AFAP1L2: variants seen among roughly 807,000 people sequenced by gnomAD.
AFAP1L2 encodes the protein actin filament associated protein 1 like 2.
Under a neutral mutation model 99.3 loss-of-function variants are expected in AFAP1L2, and 46 were observed. That is an observed-to-expected ratio of 0.46 (90% CI 0.37 to 0.59). The LOEUF (loss-of-function observed/expected upper bound fraction) is 0.59. Among genes scored for constraint, AFAP1L2 ranks in the 20% least tolerant of loss-of-function variants. The probability of loss-of-function intolerance (pLI) is 0.00; values close to 1 mark genes in which losing one functional copy is unlikely to be tolerated. For missense variants in AFAP1L2, 959 were observed against 1,034.9 expected (o/e 0.93, Z 1.01); for synonymous variants, 397 against 419.1 (o/e 0.95, Z 0.64).
At chr10:114,322,906 CA>C (rs1425872526) in intron 5 of AFAP1L2, among the ~76,000 whole-genome samples, 1 of 152,214 alleles carries the variant, frequency 6.6e-6, no homozygotes, top group Non-Finnish European at 1.5e-5. Flanking sequence ...CAGATGCAGT[CA>C]ATCTATTTGT....
chr10:114,331,882 C>T lies in AFAP1L2; in HGVS notation c.236G>A (p.Gly79Asp), dbSNP rs2047291944. The change falls in exon 4 of 19, where the codon GGC becomes GAC. Residue 79 changes from glycine to aspartate, a missense_variant. Physicochemically the swap from Gly to Asp is moderately conservative, Grantham distance 94. Around this residue, in one of 2 missense-constraint regions of AFAP1L2, gnomAD observed 383 missense variants for 472.8 expected, o/e 0.81. Transcript: ENST00000304129. ...ESQGKAPEEQ[G>D]LLPNGEPSQH... The stretch of plus-strand genomic sequence containing the variant: ...GCTGGGCTCCCCATTGGGTAGCAGG[C>T]CCTGCTCCTCAGGCGCTGCGGGCAG... 7.5e-7 allele frequency: 1 copy of T among 1,330,646 alleles called. No individual in the cohort carries two copies. Among genetic ancestry groups the T allele is most frequent in the Non-Finnish European group, 9.7e-7 (1 of 1,031,150 alleles). 82.4% of individuals were successfully genotyped at this position (1,330,646 alleles called of 1,614,324 possible). A position where few individuals can be genotyped will look rare whatever the true frequency, so the allele number is the denominator to read the frequency against.
intron 2 of AFAP1L2, among the ~76,000 whole-genome samples, chr10:114,335,336 G>T (rs1438583615): frequency 7.2e-5 from 11 of 151,986 alleles, no homozygotes; most frequent in Non-Finnish European, 1.3e-4. Context: ...CATATGGCCG[G>T]GCACGGTGGC....
Position 114,304,723 on chromosome 10 carries a change from A to G in AFAP1L2, c.1280T>C (p.Leu427Pro), listed in dbSNP as rs2041828212. Reference protein sequence around the residue: ...ILHKGEELAKLEAKSSEEMGH... With the variant: ...ILHKGEELAKPEAKSSEEMGH... ...CCCCCTGCAGGCCGGCGGTACCTCA[A>G]GCTTGGCCAGCTCCTCGCCCTTGTG... Residue 427 changes from leucine to proline, a missense_variant, in exon 11 of 19, where the codon CTT becomes CCT. Transcript: ENST00000304129. 6.2e-7 allele frequency: 1 copy of G among 1,603,410 alleles called. No homozygotes were observed. The highest frequency in any genetic ancestry group is 1.7e-5 in the Admixed American group (1 of 59,884).
chr10:114,391,425 G>A (rs1472212902), intron 1 of AFAP1L2, among the ~76,000 whole-genome samples: 1 of 152,128 alleles, frequency 6.6e-6, no homozygotes, highest in African/African-American at 2.4e-5. Flanking sequence ...TCACCATGTT[G>A]GCGAGACTGG....
the AFAP1L2 span, chr10:114,285,930 TCC>T: frequency 6.3e-7 from 1 of 1,575,268 alleles, no homozygotes; most frequent in Non-Finnish European, 8.6e-7. Context: ...GTTGCTGTGA[TCC>T]CCGCAGCCCT....
chr10:114,300,336 A>T lies in AFAP1L2; in HGVS notation c.1815T>A (p.Asp605Glu), dbSNP rs375428542. 3.7e-6 allele frequency: 6 copies of T among 1,613,988 alleles called. No homozygotes were observed. Among genetic ancestry groups the T allele is most frequent in the African/African-American group, 1.3e-5 (1 of 74,884 alleles). The change falls in exon 15 of 19, where the codon GAT becomes GAA. Residue 605 changes from aspartate to glutamate, a missense_variant. Transcript: ENST00000304129. ...TGACGGTGGTGATTCTCAGGGAAGG[A>T]TCCTCTGGCTCCAAACTCTCCAGCT... is the stretch of plus-strand genomic sequence containing the variant. ...EQQLESLEPE[D>E]PSLRITTVKI...
At chr10:114,347,800 C>CTT (rs1031709522) in intron 1 of AFAP1L2, among the ~76,000 whole-genome samples, 1 of 151,480 alleles carries the variant, frequency 6.6e-6, no homozygotes, top group Non-Finnish European at 1.5e-5. Flanking sequence ...ACCCAGCCTT[C>CTT]TTTTTTTTTG....
chr10:114,340,639 G>C lies in AFAP1L2; in HGVS notation c.109C>G (p.Leu37Val). Residue 37 changes from leucine (L) to valine (V), a missense_variant, in exon 2 of 19, where the codon CTG (leucine) becomes GTG (valine). Coordinates refer to ENST00000304129, the MANE Select transcript of AFAP1L2 (RefSeq NM_001001936.3). Reference protein sequence around the residue: ...SSTALVKKSCLAELLRLYTKS... With the variant: ...SSTALVKKSCVAELLRLYTKS... ...GTGTAAAGCCGGAGGAGCTCCGCCA[G>C]GCAGCTCTTCTTCACCAGTGCTGTG... 1 of 1,614,250 alleles carries C rather than the reference G, an allele frequency of 6.2e-7. No individual in the cohort carries two copies. The highest frequency in any genetic ancestry group is 1.7e-5 in the Admixed American group (1 of 60,028).
chr10:114,378,785 G>A (rs879618938), intron 1 of AFAP1L2, among the ~76,000 whole-genome samples: 2 of 152,236 alleles, frequency 1.3e-5, no homozygotes, highest in Non-Finnish European at 2.9e-5. Flanking sequence ...GGAGAAAGAA[G>A]CTTGTTCCAG....
intron 2 of AFAP1L2, among the ~76,000 whole-genome samples, chr10:114,339,239 A>G (rs2135852918): frequency 6.6e-6 from 1 of 152,178 alleles, no homozygotes; most frequent in Admixed American, 6.5e-5. Context: ...CGGGCGGATC[A>G]CGAGGTCAGG....
chr10:114,314,118 AG>A, intron 6 of AFAP1L2, 68 bp from the exon 7 acceptor site: 4 of 1,507,828 alleles, frequency 2.7e-6, no homozygotes, highest in Non-Finnish European at 3.6e-6. Flanking sequence ...TCTGCAAAGG[AG>A]GGGCCGCTGG....
At chr10:114,394,747 GATCCACCCTT>G (rs2057513558) in intron 1 of AFAP1L2, among the ~76,000 whole-genome samples, 1 of 152,158 alleles carries the variant, frequency 6.6e-6, no homozygotes, top group Non-Finnish European at 1.5e-5. Flanking sequence ...GTGGTTTTGA[GATCCACCCTT>G]CCTGCTTTGC....
chr10:114,295,016 T>TAAAAA lies in AFAP1L2; in HGVS notation c.*1021_*1025dup, dbSNP rs10627231. 36 of 884,324 alleles carry TAAAAA rather than the reference T, an allele frequency of 4.1e-5. No individual in the cohort carries two copies. The South Asian group carries it at 7.9e-4, about 19-fold the overall frequency. 54.8% of individuals were successfully genotyped at this position (884,324 alleles called of 1,614,324 possible). A position where few individuals can be genotyped will look rare whatever the true frequency, so the allele number is the denominator to read the frequency against. ...ATAGATGAAATGTTTCAACCTGTGT[T>TAAAAA]AAAAAAAAAAAAAAAAAAATGCCAT... On this transcript the variant is annotated 3_prime_UTR_variant, in exon 19 of 19. Transcript: ENST00000304129.
intron 1 of AFAP1L2, among the ~76,000 whole-genome samples, chr10:114,357,168 A>G (rs2051504477): frequency 6.6e-6 from 1 of 152,180 alleles, no homozygotes; most frequent in South Asian, 2.1e-4. Context: ...CATTTGGGGA[A>G]TAGTTTGCAT....
chr10:114,296,432 T>C, intron 18 of AFAP1L2: 1 of 274,126 alleles, frequency 3.6e-6, no homozygotes, highest in Non-Finnish European at 6.9e-6. Context: ...GCCCTAGGCA[T>C]GTTCTTTAGT....
chr10:114,344,395 C>T (rs1307773415), intron 1 of AFAP1L2, among the ~76,000 whole-genome samples: 2 of 152,138 alleles, frequency 1.3e-5, no homozygotes, highest in Admixed American at 6.6e-5. Flanking sequence ...CTGCATTTTT[C>T]CTGACTTCTG....
chr10:114,286,443 C>G, the AFAP1L2 span: 2 of 1,612,320 alleles, frequency 1.2e-6, no homozygotes, highest in African/African-American at 1.3e-5. Flanking sequence ...ATGGTCTACT[C>G]GGATCCTCAG....
At chr10:114,296,882 G>A (rs534841291) in intron 18 of AFAP1L2, 96 bp downstream of exon 18, 2 of 1,599,042 alleles carry the variant, frequency 1.3e-6, no homozygotes, top group Non-Finnish European at 1.7e-6. Context: ...CAGAGCTGGT[G>A]CCAAAAGCCA....
intron 6 of AFAP1L2, 146 bp downstream of exon 6, chr10:114,315,414 T>C (rs750321727): frequency 4.1e-4 from 321 of 774,926 alleles, no homozygotes; most frequent in Non-Finnish European, 6.1e-4. Flanking sequence ...CTGTATACAA[T>C]TTCAGATTAG....
Sources: gnomAD v4.1 joint callset for allele counts (sites outside exome capture counted in the v4.1 genomes callset) on GRCh38, gnomAD v4.1.1 for gene constraint, gnomAD v4.1.1 regional missense constraint, MANE v1.5 for transcripts, NCBI Gene and HGNC (gene_info 2026-07-23, HGNC 2026-07-21) for gene names.